SGMS1: variants seen among roughly 807,000 people sequenced by gnomAD.
SGMS1 encodes sphingomyelin synthase 1, also known as phosphatidylcholine:ceramide cholinephosphotransferase 1.
Under a neutral mutation model 46.2 loss-of-function variants are expected in SGMS1, and 13 were observed. The ratio of observed to expected loss-of-function variants is 0.28; its 90% confidence interval spans 0.18 to 0.45. SGMS1 has a LOEUF of 0.45. SGMS1 is among the 20% of genes least tolerant of loss of function. The probability of loss-of-function intolerance (pLI) is 1.00; values close to 1 mark genes in which losing one functional copy is unlikely to be tolerated. For synonymous variants in SGMS1, 203 were observed against 187.8 expected (o/e 1.08, Z -0.66); for missense variants, 324 against 519.9 (o/e 0.62, Z 3.66).
chr10:50,343,630 G>A lies in SGMS1; in HGVS notation c.485C>T (p.Pro162Leu). 1 of 1,610,174 alleles carries A rather than the reference G, an allele frequency of 6.2e-7. No homozygotes were observed. The highest frequency in any genetic ancestry group is 8.5e-7 in the Non-Finnish European group (1 of 1,178,456). ...CGGTAGTGGAGGCTGCACCTCCTTA[G>A]GAGGTACTCGTTCGTGGACGACCGA... is the stretch of plus-strand genomic sequence containing the variant. ...MISVVHERVP[P>L]KEVQPPLPDT... Residue 162 changes from proline to leucine, a missense_variant, in exon 7 of 11, where the codon CCT becomes CTT. This residue lies in a region of SGMS1 where 174 missense variants were observed against 350.1 expected (regional missense o/e 0.50). Coordinates refer to ENST00000361781, the MANE Select transcript of SGMS1 (RefSeq NM_147156.4).
chr10:50,421,532 A>G (rs1849254287), intron 6 of SGMS1, among the ~76,000 whole-genome samples: 1 of 152,106 alleles, frequency 6.6e-6, no homozygotes. Flanking sequence ...CCTTAAACAG[A>G]CCGTTCAGAC....
At chr10:50,438,557 C>T (rs573137323) in intron 5 of SGMS1, among the ~76,000 whole-genome samples, 64 of 152,192 alleles carry the variant, frequency 4.2e-4, no homozygotes, top group Non-Finnish European at 6.2e-4. Context: ...AAGTACCTTG[C>T]TAAGTCATTC....
Position 50,362,953 on chromosome 10 carries a change from AT to A in SGMS1, c.-231-18609del, listed in dbSNP as rs11355595. On this transcript the variant is annotated intron_variant, in intron 6 of 10. Coordinates refer to ENST00000361781, the MANE Select transcript of SGMS1 (RefSeq NM_147156.4). ...AAGAGGAAGTGAAATCAGCAAAAAA[AT>A]AAAGTATATAAATATAAAGACAACT... Among the ~76,000 whole-genome samples, 1,037 of 152,340 alleles carry A rather than the reference AT, an allele frequency of 6.8e-3. 16 individuals are homozygous for A. The highest frequency in any genetic ancestry group is 0.023 in the African/African-American group (970 of 41,572).
intron 6 of SGMS1, among the ~76,000 whole-genome samples, chr10:50,360,524 G>A (rs904436451): frequency 1.1e-4 from 16 of 152,100 alleles, no homozygotes; most frequent in African/African-American, 3.6e-4. Flanking sequence ...CCAAAAACTC[G>A]GGAGATGATC....
intron 2 of SGMS1, among the ~76,000 whole-genome samples, chr10:50,542,701 T>C (rs1374611409): frequency 6.7e-6 from 1 of 148,250 alleles, no homozygotes; most frequent in African/African-American, 2.5e-5. Flanking sequence ...GAGAGATATA[T>C]ATAACCTATA....
intron 6 of SGMS1, among the ~76,000 whole-genome samples, chr10:50,377,657 C>T (rs185511403): frequency 1.3e-3 from 191 of 152,214 alleles, no homozygotes; most frequent in African/African-American, 2.9e-3. Context: ...TAGTTTCCTG[C>T]GGCTGCTGTA....
intron 3 of SGMS1, among the ~76,000 whole-genome samples, chr10:50,494,574 G>T (rs1424455319): frequency 6.6e-6 from 1 of 152,164 alleles, no homozygotes; most frequent in African/African-American, 2.4e-5. Context: ...GGAGCTAAAT[G>T]ATAAGAACAC....
chr10:50,530,732 G>T (rs185924842), intron 2 of SGMS1, among the ~76,000 whole-genome samples: 1 of 151,860 alleles, frequency 6.6e-6, no homozygotes, highest in Admixed American at 6.6e-5. Context: ...CAATGCTCCC[G>T]CCTCGGCCTC....
chr10:50,623,174 T>TG (rs906125609), intron 1 of SGMS1, among the ~76,000 whole-genome samples: 2 of 151,038 alleles, frequency 1.3e-5, no homozygotes, highest in African/African-American at 2.4e-5. Context: ...GGGGCTACGG[T>TG]GGGGGGATCC....
At chr10:50,409,948 TCA>T (rs1039321289) in intron 6 of SGMS1, among the ~76,000 whole-genome samples, 1 of 152,156 alleles carries the variant, frequency 6.6e-6, no homozygotes, top group East Asian at 1.9e-4. Context: ...CAATATAAAA[TCA>T]CACTGAAAAA....
intron 3 of SGMS1, among the ~76,000 whole-genome samples, chr10:50,483,397 T>A (rs187719009): frequency 6.6e-6 from 1 of 152,244 alleles, no homozygotes; most frequent in East Asian, 1.9e-4. Context: ...TAAAACAAGT[T>A]CTTAAAGACC....
chr10:50,593,650 T>C (rs1266628436), intron 1 of SGMS1, among the ~76,000 whole-genome samples: 1 of 152,174 alleles, frequency 6.6e-6, no homozygotes. Context: ...TTTTGCCACA[T>C]ATGTGCTATC....
intron 3 of SGMS1, among the ~76,000 whole-genome samples, chr10:50,496,785 G>A (rs1837618885): frequency 6.6e-6 from 1 of 152,182 alleles, no homozygotes; most frequent in Non-Finnish European, 1.5e-5. Flanking sequence ...TAGGCAAACT[G>A]CTTAGCCTCT....
intron 2 of SGMS1, among the ~76,000 whole-genome samples, chr10:50,550,982 C>T (rs1037650838): frequency 6.6e-6 from 1 of 152,136 alleles, no homozygotes; most frequent in Non-Finnish European, 1.5e-5. Context: ...ATATGCAAAC[C>T]TTCTGTGCAG....
At chr10:50,485,911 A>T (rs1485977208) in intron 3 of SGMS1, among the ~76,000 whole-genome samples, 1 of 152,064 alleles carries the variant, frequency 6.6e-6, no homozygotes, top group Non-Finnish European at 1.5e-5. Context: ...AAAACAAAAA[A>T]CAAGCAAAAG....
chr10:50,393,408 A>C (rs1381748717), intron 6 of SGMS1, among the ~76,000 whole-genome samples: 1 of 152,210 alleles, frequency 6.6e-6, no homozygotes, highest in Non-Finnish European at 1.5e-5. Context: ...CATTAGACCG[A>C]TGATAAAAAC....
intron 2 of SGMS1, among the ~76,000 whole-genome samples, chr10:50,527,452 C>T (rs1282840972): frequency 6.6e-6 from 1 of 152,134 alleles, no homozygotes; most frequent in Admixed American, 6.6e-5. Context: ...GAAACTGAGG[C>T]ACAGAGAGAA....
chr10:50,328,191 T>C (rs2133317076), intron 7 of SGMS1: 1 of 276,716 alleles, frequency 3.6e-6, no homozygotes, highest in East Asian at 1.3e-4. Context: ...TGTAAGTTTG[T>C]TCAACTTAAC....
At chr10:50,534,341 G>C (rs1156453153) in intron 2 of SGMS1, among the ~76,000 whole-genome samples, 1 of 152,132 alleles carries the variant, frequency 6.6e-6, no homozygotes, top group African/African-American at 2.4e-5. Context: ...GTAACAAATA[G>C]ACATTGTGGA....
Sources: gnomAD v4.1 joint callset for allele counts (sites outside exome capture counted in the v4.1 genomes callset) on GRCh38, gnomAD v4.1.1 for gene constraint, gnomAD v4.1.1 regional missense constraint, MANE v1.5 for transcripts, NCBI Gene and HGNC (gene_info 2026-07-23, HGNC 2026-07-21) for gene names.